NALF1: variants seen among roughly 807,000 people sequenced by gnomAD.
NALF1 encodes NALCN channel auxiliary factor 1, also known as family with sequence similarity 155 member A.
A neutral mutation model predicts 48.4 loss-of-function variants in NALF1; 3 were observed. The observed-to-expected ratio is 0.06, with a 90% CI of 0.03 to 0.16. The LOEUF (loss-of-function observed/expected upper bound fraction) is 0.16, where lower values mean the gene tolerates loss of function less well. Among genes scored for constraint, NALF1 ranks in the 10% least tolerant of loss-of-function variants. The pLI, the probability that NALF1 is intolerant of heterozygous loss-of-function variation, is 1.00. For synonymous variants in NALF1, 262 were observed against 245.7 expected (o/e 1.07, Z -0.62); for missense variants, 526 against 571.5 (o/e 0.92, Z 0.81).
At chr13:107,419,385 T>G (rs1329150185) in intron 1 of NALF1, among the ~76,000 whole-genome samples, 1 of 152,234 alleles carries the variant, frequency 6.6e-6, no homozygotes, top group Non-Finnish European at 1.5e-5. Context: ...TAGGCCATGA[T>G]TCACACAATA....
chr13:107,661,331 T>C (rs1310112239), intron 1 of NALF1, among the ~76,000 whole-genome samples: 2 of 152,220 alleles, frequency 1.3e-5, no homozygotes, highest in African/African-American at 2.4e-5. Context: ...GGCTGCATCA[T>C]ATACTTCCAA....
At chr13:107,638,162 T>A (rs66878889) in intron 1 of NALF1, among the ~76,000 whole-genome samples, 77,825 of 135,980 alleles carry the variant, frequency 0.57, 24,352 homozygotes, top group East Asian at 0.99. Flanking sequence ...GCACTTGGAG[T>A]ATATATCCCT....
At chr13:107,761,934 T>G in intron 1 of NALF1, among the ~76,000 whole-genome samples, 1 of 152,208 alleles carries the variant, frequency 6.6e-6, no homozygotes, top group East Asian at 1.9e-4. Flanking sequence ...GATTTAAATA[T>G]GCCCACTACA....
At chr13:107,171,108 G>A (rs1414011341) in intron 2 of NALF1, among the ~76,000 whole-genome samples, 1 of 152,218 alleles carries the variant, frequency 6.6e-6, no homozygotes, top group Non-Finnish European at 1.5e-5. Context: ...TCAAGTACAT[G>A]CAGTCATCCT....
At chr13:107,396,459 C>T (rs965214034) in intron 1 of NALF1, among the ~76,000 whole-genome samples, 1 of 152,178 alleles carries the variant, frequency 6.6e-6, no homozygotes, top group African/African-American at 2.4e-5. Flanking sequence ...AGAACATATA[C>T]AGTGAAAGCT....
intron 1 of NALF1, among the ~76,000 whole-genome samples, chr13:107,341,369 T>C (rs1278951715): frequency 6.6e-6 from 1 of 152,074 alleles, no homozygotes; most frequent in Non-Finnish European, 1.5e-5. Context: ...TGTGTGTGTG[T>C]GTACATATGA....
intron 1 of NALF1, among the ~76,000 whole-genome samples, chr13:107,417,887 C>T (rs752929024): frequency 1.3e-5 from 2 of 151,976 alleles, no homozygotes; most frequent in Non-Finnish European, 2.9e-5. Flanking sequence ...ATGACGAAAC[C>T]CCGTCTCTAC....
At chr13:107,361,492 T>C (rs913910627) in intron 1 of NALF1, among the ~76,000 whole-genome samples, 2 of 151,760 alleles carry the variant, frequency 1.3e-5, no homozygotes, top group African/African-American at 4.8e-5. Flanking sequence ...AAAAAAAAGA[T>C]GTTAGAAAGA....
intron 1 of NALF1, among the ~76,000 whole-genome samples, chr13:107,296,080 T>G (rs968475501): frequency 6.6e-6 from 1 of 152,210 alleles, no homozygotes; most frequent in Non-Finnish European, 1.5e-5. Context: ...CTTGGCACTA[T>G]TTCCAATTTC....
At chr13:107,559,840 CAG>C (rs1216576341) in intron 1 of NALF1, among the ~76,000 whole-genome samples, 2 of 152,080 alleles carry the variant, frequency 1.3e-5, no homozygotes, top group African/African-American at 2.4e-5. Flanking sequence ...AAAATTAACA[CAG>C]AATTTTTATC....
chr13:107,600,858 T>A (rs897376512), intron 1 of NALF1, among the ~76,000 whole-genome samples: 1 of 152,188 alleles, frequency 6.6e-6, no homozygotes, highest in African/African-American at 2.4e-5. Context: ...GAAAATTACA[T>A]GACTGCAGGG....
chr13:107,264,017 G>A (rs949927205), intron 1 of NALF1, among the ~76,000 whole-genome samples: 1 of 152,140 alleles, frequency 6.6e-6, no homozygotes, highest in African/African-American at 2.4e-5. Flanking sequence ...TTTGATTAAT[G>A]CAAAGAGTAC....
intron 1 of NALF1, among the ~76,000 whole-genome samples, chr13:107,413,190 ATAGT>A (rs1295477955): frequency 6.6e-6 from 1 of 151,378 alleles, no homozygotes; most frequent in African/African-American, 2.4e-5. Context: ...TTTCCATGAA[ATAGT>A]TAGTATTCAT....
At chr13:107,380,955 GCC>G (rs1883426630) in intron 1 of NALF1, among the ~76,000 whole-genome samples, 1 of 142,992 alleles carries the variant, frequency 7.0e-6, no homozygotes, top group Non-Finnish European at 1.5e-5. Flanking sequence ...TCCAGCCTGT[GCC>G]ACAGAGCCAG....
intron 1 of NALF1, among the ~76,000 whole-genome samples, chr13:107,478,015 TCAGA>T (rs1885199643): frequency 6.6e-6 from 1 of 152,114 alleles, no homozygotes; most frequent in Non-Finnish European, 1.5e-5. Flanking sequence ...GTTAGTACAC[TCAGA>T]CAACCTACCA....
chr13:107,796,117 T>G (rs979405049), intron 1 of NALF1, among the ~76,000 whole-genome samples: 1 of 152,160 alleles, frequency 6.6e-6, no homozygotes. Context: ...TATAAGGTAA[T>G]CTTTGTGTGT....
At chr13:107,232,771 A>G (rs574808874) in intron 1 of NALF1, among the ~76,000 whole-genome samples, 6 of 152,310 alleles carry the variant, frequency 3.9e-5, no homozygotes, top group Admixed American at 3.9e-4. Flanking sequence ...ACAATTAATA[A>G]AGCAAAAGAT....
chr13:107,575,817 G>C (rs1206203655), intron 1 of NALF1, among the ~76,000 whole-genome samples: 2 of 152,088 alleles, frequency 1.3e-5, no homozygotes, highest in Non-Finnish European at 2.9e-5. Context: ...CATAAGCCTT[G>C]GAGTCCGGAT....
intron 1 of NALF1, among the ~76,000 whole-genome samples, chr13:107,658,948 A>T (rs1880655391): frequency 1.3e-5 from 2 of 152,088 alleles, no homozygotes. Flanking sequence ...CCGCTTCTCC[A>T]GATCATTATT....
Sources: gnomAD v4.1 joint callset for allele counts (sites outside exome capture counted in the v4.1 genomes callset) on GRCh38, gnomAD v4.1.1 for gene constraint, MANE v1.5 for transcripts, NCBI Gene and HGNC (gene_info 2026-07-23, HGNC 2026-07-21) for gene names.